The following NKAIN3 variants were observed in gnomAD, a reference collection of about 807,000 sequenced individuals.
NKAIN3 encodes the protein sodium/potassium transporting ATPase interacting 3.
In NKAIN3, 25 loss-of-function variants were observed where a neutral mutation model predicts 30.2. That is an observed-to-expected ratio of 0.83 (90% CI 0.60 to 1.16). NKAIN3 has a LOEUF of 1.16. Ranked by LOEUF, NKAIN3 falls within the 50% of genes most tolerant of loss-of-function variation. NKAIN3 has a pLI of 0.00. For missense variants in NKAIN3, 225 were observed against 254.1 expected, an observed-to-expected ratio of 0.89 and a Z score of 0.78; for synonymous variants, 91 against 89.6, an observed-to-expected ratio of 1.02 and a Z score of -0.09.
intron 6 of NKAIN3, among the ~76,000 whole-genome samples, chr8:62,958,763 T>C (rs1294979301): frequency 6.6e-6 from 1 of 152,202 alleles, no homozygotes; most frequent in Non-Finnish European, 1.5e-5. Flanking sequence ...TCCATCCAAA[T>C]GGTTAGCAAC....
chr8:62,587,292 C>G (rs779303632), intron 2 of NKAIN3, among the ~76,000 whole-genome samples: 1 of 151,804 alleles, frequency 6.6e-6, no homozygotes, highest in Non-Finnish European at 1.5e-5. Context: ...CAAAGAAACA[C>G]AAATTTATTA....
At chr8:62,551,933 T>G (rs1809228106) in intron 1 of NKAIN3, among the ~76,000 whole-genome samples, 1 of 152,214 alleles carries the variant, frequency 6.6e-6, no homozygotes, top group Non-Finnish European at 1.5e-5. Flanking sequence ...TGATCACATT[T>G]CTTGGCAAAT....
chr8:62,395,058 C>CCGAGGGA (rs1817705522), intron 1 of NKAIN3, among the ~76,000 whole-genome samples: 1 of 147,992 alleles, frequency 6.8e-6, no homozygotes. Context: ...ACTTCCCAGA[C>CCGAGGGA]GGTGGGTCGG....
At chr8:62,626,253 C>T (rs16929305) in intron 3 of NKAIN3, among the ~76,000 whole-genome samples, 73,163 of 151,910 alleles carry the variant, frequency 0.48, 20,693 homozygotes, top group African/African-American at 0.79. Flanking sequence ...TTGATTTTCA[C>T]AGAGAAAAGC....
chr8:62,801,953 C>G (rs530211454), intron 4 of NKAIN3, among the ~76,000 whole-genome samples: 1 of 151,988 alleles, frequency 6.6e-6, no homozygotes, highest in Non-Finnish European at 1.5e-5. Flanking sequence ...AGCCAAGGCT[C>G]GAGAACTATG....
At chr8:62,431,905 C>T (rs1805013004) in intron 1 of NKAIN3, among the ~76,000 whole-genome samples, 2 of 128,326 alleles carry the variant, frequency 1.6e-5, no homozygotes, top group African/African-American at 6.5e-5. Context: ...CTGTTTTCAC[C>T]CAATTAAACT....
intron 1 of NKAIN3, among the ~76,000 whole-genome samples, chr8:62,520,115 T>G (rs1263831378): frequency 1.3e-5 from 2 of 152,144 alleles, no homozygotes; most frequent in African/African-American, 4.8e-5. Context: ...TCACCCACCT[T>G]AGATTTGTAG....
chr8:62,319,668 C>T (rs1282262883), intron 1 of NKAIN3, among the ~76,000 whole-genome samples: 1 of 152,058 alleles, frequency 6.6e-6, no homozygotes, highest in African/African-American at 2.4e-5. Flanking sequence ...ATCCTGAGTT[C>T]TAGTTTGATT....
chr8:62,287,715 T>C (rs1757669761), intron 1 of NKAIN3, among the ~76,000 whole-genome samples: 1 of 152,190 alleles, frequency 6.6e-6, no homozygotes, highest in Non-Finnish European at 1.5e-5. Flanking sequence ...ATTAAAATTT[T>C]AGCCTATTAA....
Position 62,532,643 on chromosome 8 carries a change from A to G in NKAIN3, c.55-46896A>G, listed in dbSNP as rs769071418. ...TCTGGATGAACACCGTATTGAGCACATTTTTATATGTGAGTCTGATTAGCA... is the reference window on the plus strand; with the variant it reads ...TCTGGATGAACACCGTATTGAGCACGTTTTTATATGTGAGTCTGATTAGCA... On this transcript the variant is annotated intron_variant, in intron 1 of 6. Coordinates refer to ENST00000623646, the MANE Select transcript of NKAIN3 (RefSeq NM_001304533.3). 2.6e-5 allele frequency among the ~76,000 whole-genome samples: 4 copies of G among 152,148 alleles called. 1 individual carries two copies. The highest frequency in any genetic ancestry group is 2.0e-4 in the Admixed American group (3 of 15,274).
At chr8:62,513,462 G>C (rs1020190226) in intron 1 of NKAIN3, among the ~76,000 whole-genome samples, 7 of 152,094 alleles carry the variant, frequency 4.6e-5, no homozygotes, top group African/African-American at 1.7e-4. Context: ...TCATGAATTT[G>C]AATGATAAGA....
At chr8:62,523,470 A>G (rs750366305) in intron 1 of NKAIN3, among the ~76,000 whole-genome samples, 1 of 152,114 alleles carries the variant, frequency 6.6e-6, no homozygotes, top group African/African-American at 2.4e-5. Context: ...TTCTTTAATG[A>G]CTTACCTAAA....
intron 3 of NKAIN3, among the ~76,000 whole-genome samples, chr8:62,659,450 T>C (rs1481498932): frequency 6.6e-6 from 1 of 152,350 alleles, no homozygotes; most frequent in East Asian, 1.9e-4. Context: ...GAGCCTTACA[T>C]ACATTAAACT....
chr8:62,840,940 C>T (rs980573967), intron 4 of NKAIN3, among the ~76,000 whole-genome samples: 1 of 152,088 alleles, frequency 6.6e-6, no homozygotes, highest in Non-Finnish European at 1.5e-5. Flanking sequence ...CACACTTTTG[C>T]ATTTTCCCCA....
chr8:62,348,985 C>G (rs1234958303), intron 1 of NKAIN3, among the ~76,000 whole-genome samples: 2 of 152,096 alleles, frequency 1.3e-5, no homozygotes, highest in Non-Finnish European at 2.9e-5. Flanking sequence ...AAATGATGGT[C>G]CCTTCTGCTT....
At chr8:62,312,042 G>A (rs1814455938) in intron 1 of NKAIN3, among the ~76,000 whole-genome samples, 1 of 150,222 alleles carries the variant, frequency 6.7e-6, no homozygotes, top group Non-Finnish European at 1.5e-5. Flanking sequence ...TTTCTAAGAA[G>A]TATGATCAAG....
intron 1 of NKAIN3, among the ~76,000 whole-genome samples, chr8:62,331,094 CAT>C (rs57079455): frequency 6.8e-6 from 1 of 148,142 alleles, no homozygotes; most frequent in African/African-American, 2.5e-5. Context: ...TCTCTCTCTC[CAT>C]ATATATATAT....
At chr8:62,756,388 G>T (rs904461911) in intron 4 of NKAIN3, among the ~76,000 whole-genome samples, 2 of 152,106 alleles carry the variant, frequency 1.3e-5, no homozygotes, top group African/African-American at 2.4e-5. Context: ...CACCCATGTA[G>T]CATGTATCAG....
chr8:62,587,777 T>C (rs1810525534), intron 2 of NKAIN3, among the ~76,000 whole-genome samples: 1 of 151,992 alleles, frequency 6.6e-6, no homozygotes, highest in African/African-American at 2.4e-5. Context: ...CCTTTTATTG[T>C]CAAAAACGTA....
Sources: allele counts gnomAD v4.1 joint callset (sites outside exome capture counted in the v4.1 genomes callset), GRCh38; gene constraint gnomAD v4.1.1; transcripts MANE v1.5; gene names NCBI Gene and HGNC (gene_info 2026-07-23, HGNC 2026-07-21).